FBXO34: variants seen among roughly 807,000 people sequenced by gnomAD.
FBXO34 encodes F-box only protein 34.
A neutral mutation model predicts 24.5 loss-of-function variants in FBXO34; 12 were observed. That is an observed-to-expected ratio of 0.49 (90% CI 0.31 to 0.79). The LOEUF is 0.79. Among genes scored for constraint, FBXO34 ranks in the 30% least tolerant of loss-of-function variants. FBXO34 has a pLI of 0.04. For synonymous variants in FBXO34, 320 were observed against 311.9 expected (o/e 1.03, Z -0.27); for missense variants, 823 against 857.7 (o/e 0.96, Z 0.51).
chr14:55,415,409 G>A, the FBXO34 span, among the ~76,000 whole-genome samples: 1 of 152,150 alleles, frequency 6.6e-6, no homozygotes, highest in African/African-American at 2.4e-5. Context: ...CGGTGGTTAA[G>A]TTAAAGAATT....
the FBXO34 span, among the ~76,000 whole-genome samples, chr14:55,417,327 C>A: frequency 6.6e-6 from 1 of 151,876 alleles, no homozygotes; most frequent in Non-Finnish European, 1.5e-5. Context: ...CAAACATTTC[C>A]TCACTAAAAT....
chr14:55,363,872 GT>G (rs957487109), downstream of FBXO34, among the ~76,000 whole-genome samples: 11 of 145,020 alleles, frequency 7.6e-5, no homozygotes, highest in South Asian at 4.4e-4. Context: ...ATGCCTCTGC[GT>G]TTTTTTTTTT....
At chr14:55,387,265 C>T in the FBXO34 span, among the ~76,000 whole-genome samples, 78 of 152,328 alleles carry the variant, frequency 5.1e-4, no homozygotes, top group Non-Finnish European at 8.7e-4. Context: ...GCACACCCTT[C>T]GCTCTAGCTG....
At chr14:55,411,712 G>C in the FBXO34 span, 1 of 1,612,466 alleles carries the variant, frequency 6.2e-7, no homozygotes. Context: ...CCACAGCCAC[G>C]TACAGCCCCT....
rs1283420065 is a variant in FBXO34 at position 55,350,707 on chromosome 14, A to G, written c.317A>G (p.Asp106Gly). 2 of 1,613,228 alleles carry G rather than the reference A, an allele frequency of 1.2e-6. No homozygotes were observed. The highest frequency in any genetic ancestry group is 1.3e-5 in the African/African-American group (1 of 74,814). ...CAGGGCGAAGAAGAAGGACCACTTG[A>G]TATCTGGGCTGTTGTGAAACCTGGA... ...IHQGEEEGPL[D>G]IWAVVKPGNT... Residue 106 changes from aspartate to glycine, a missense_variant, in exon 2 of 2, where the codon GAT becomes GGT. Physicochemically the swap from Asp to Gly is moderately conservative, Grantham distance 94. Around this residue, in one of 2 missense-constraint regions of FBXO34, gnomAD observed 693 missense variants for 659.1 expected, o/e 1.05. Coordinates refer to ENST00000313833, the MANE Select transcript of FBXO34 (RefSeq NM_017943.4).
At chr14:55,292,864 A>C (rs912528792) in intron 1 of FBXO34, among the ~76,000 whole-genome samples, 2 of 152,048 alleles carry the variant, frequency 1.3e-5, no homozygotes, top group African/African-American at 4.8e-5. Flanking sequence ...TTAAAATGTC[A>C]GTTCTTTAGG....
the FBXO34 span, among the ~76,000 whole-genome samples, chr14:55,433,242 C>T: frequency 6.6e-6 from 1 of 151,948 alleles, no homozygotes; most frequent in Non-Finnish European, 1.5e-5. Context: ...GATCCTCCCA[C>T]CTCAGCTTCC....
At chr14:55,436,214 A>G in the FBXO34 span, among the ~76,000 whole-genome samples, 1 of 152,156 alleles carries the variant, frequency 6.6e-6, no homozygotes, top group Non-Finnish European at 1.5e-5. Context: ...TTCTGAATCA[A>G]TTTGCAAATC....
At chr14:55,325,506 ACT>A (rs1555338109) in intron 1 of FBXO34, among the ~76,000 whole-genome samples, 1 of 150,592 alleles carries the variant, frequency 6.6e-6, no homozygotes, top group Non-Finnish European at 1.5e-5. Context: ...ATGGAGTTTC[ACT>A]CTTGTTGCCC....
chr14:55,394,289 G>A, the FBXO34 span, among the ~76,000 whole-genome samples: 1 of 152,298 alleles, frequency 6.6e-6, no homozygotes. Flanking sequence ...ATAGGCATGA[G>A]CCAACGTGCC....
chr14:55,351,373 C>A lies in FBXO34; in HGVS notation c.983C>A (p.Thr328Lys), dbSNP rs779346629. ...ANSTQADEGKTKKGVLEAPDT... is the reference protein window; with the variant it reads ...ANSTQADEGKKKKGVLEAPDT... ...AGCACTCAGGCTGATGAAGGCAAAA[C>A]AAAGAAAGGCGTCTTGGAGGCACCT... Residue 328 changes from threonine to lysine, a missense_variant, in exon 2 of 2, where the codon ACA becomes AAA. Thr to Lys is a moderately conservative substitution (Grantham distance 78). Coordinates refer to ENST00000313833, the MANE Select transcript of FBXO34 (RefSeq NM_017943.4). 5.0e-6 allele frequency: 8 copies of A among 1,614,072 alleles called. No homozygotes were observed. Among genetic ancestry groups the A allele is most frequent in the East Asian group, 4.5e-5 (2 of 44,886 alleles).
the FBXO34 span, among the ~76,000 whole-genome samples, chr14:55,441,352 C>G: frequency 2.6e-5 from 4 of 151,930 alleles, no homozygotes; most frequent in African/African-American, 9.7e-5. Context: ...GACAAGGTCT[C>G]GGTATGTTAC....
At chr14:55,274,792 G>A (rs1260124891) in intron 1 of FBXO34, among the ~76,000 whole-genome samples, 2 of 151,928 alleles carry the variant, frequency 1.3e-5, no homozygotes, top group African/African-American at 2.4e-5. Context: ...TATTTGTTTG[G>A]GAGAAAACAT....
intron 1 of FBXO34, among the ~76,000 whole-genome samples, chr14:55,334,730 T>G (rs1883716833): frequency 6.6e-6 from 1 of 152,310 alleles, no homozygotes; most frequent in East Asian, 1.9e-4. Context: ...TCAGGAGCCC[T>G]GGAGCTTTCC....
At chr14:55,383,598 C>CAAAA in the FBXO34 span, among the ~76,000 whole-genome samples, 1 of 150,940 alleles carries the variant, frequency 6.6e-6, no homozygotes, top group Non-Finnish European at 1.5e-5. Flanking sequence ...CAAAAAAAAC[C>CAAAA]CCCAAGAACA....
intron 1 of FBXO34, among the ~76,000 whole-genome samples, chr14:55,274,882 T>TATG (rs1881282954): frequency 6.6e-6 from 1 of 152,214 alleles, no homozygotes; most frequent in Non-Finnish European, 1.5e-5. Flanking sequence ...GGGAAGCTAC[T>TATG]ATGGTATGAT....
chr14:55,287,188 G>A (rs1881792150), intron 1 of FBXO34, among the ~76,000 whole-genome samples: 1 of 152,190 alleles, frequency 6.6e-6, no homozygotes, highest in African/African-American at 2.4e-5. Context: ...TTACAGGCAT[G>A]AGCCACTGTA....
intron 1 of FBXO34, among the ~76,000 whole-genome samples, chr14:55,338,799 G>T (rs912934306): frequency 6.6e-6 from 1 of 151,926 alleles, no homozygotes; most frequent in Non-Finnish European, 1.5e-5. Flanking sequence ...CCAGCTACTC[G>T]GGAGGCTGAG....
intron 1 of FBXO34, among the ~76,000 whole-genome samples, chr14:55,331,846 T>C: frequency 2.2e-5 from 1 of 44,456 alleles, no homozygotes; most frequent in African/African-American, 1.1e-4. Context: ...AAAATATATA[T>C]ATACACCACC....
Sources: gnomAD v4.1 joint callset for allele counts (sites outside exome capture counted in the v4.1 genomes callset) on GRCh38, gnomAD v4.1.1 for gene constraint, gnomAD v4.1.1 regional missense constraint, MANE v1.5 for transcripts, NCBI Gene and HGNC (gene_info 2026-07-23, HGNC 2026-07-21) for gene names.